Variants in SLC24A2 observed in about 807,000 individuals in gnomAD.
The protein encoded by SLC24A2 is sodium/potassium/calcium exchanger 2.
SLC24A2 carries 36 observed loss-of-function variants against 62.0 expected under a neutral mutation model. The observed-to-expected ratio is 0.58, with a 90% CI of 0.44 to 0.77. The LOEUF (loss-of-function observed/expected upper bound fraction) is 0.77, where lower values mean the gene tolerates loss of function less well. SLC24A2 is among the 30% of genes least tolerant of loss of function. SLC24A2 has a pLI of 0.00. For synonymous variants in SLC24A2, 358 were observed against 294.0 expected, an observed-to-expected ratio of 1.22 and a Z score of -2.23; for missense variants, 846 against 817.9, an observed-to-expected ratio of 1.03 and a Z score of -0.42.
intron 9 of SLC24A2, among the ~76,000 whole-genome samples, chr9:19,524,138 A>AG (rs11459057): frequency 4.8e-3 from 12 of 2,516 alleles, no homozygotes; most frequent in African/African-American, 0.012. Context: ...CTTCATTTTC[A>AG]AAAAAAAAAA....
chr9:19,665,959 C>T (rs768530897), intron 2 of SLC24A2, among the ~76,000 whole-genome samples: 1 of 151,940 alleles, frequency 6.6e-6, no homozygotes, highest in Admixed American at 6.6e-5. Context: ...GCACCCGGCC[C>T]GTGTTCTCAT....
the SLC24A2 span, among the ~76,000 whole-genome samples, chr9:19,993,067 TAACCTTC>T: frequency 1.3e-5 from 2 of 152,166 alleles, no homozygotes. Context: ...TTATAGATAT[TAACCTTC>T]AACCCCATAA....
chr9:19,911,310 T>C, the SLC24A2 span, among the ~76,000 whole-genome samples: 1 of 152,094 alleles, frequency 6.6e-6, no homozygotes, highest in Non-Finnish European at 1.5e-5. Flanking sequence ...CTTAATCCAG[T>C]CTATCGTTGT....
chr9:20,228,609 A>G, the SLC24A2 span, among the ~76,000 whole-genome samples: 14 of 152,232 alleles, frequency 9.2e-5, no homozygotes, highest in East Asian at 2.5e-3. Flanking sequence ...GTTCTCTGCT[A>G]TTGCCCTAAG....
At chr9:19,736,292 A>C (rs1191357297) in intron 2 of SLC24A2, among the ~76,000 whole-genome samples, 1 of 152,202 alleles carries the variant, frequency 6.6e-6, no homozygotes, top group Non-Finnish European at 1.5e-5. Context: ...GAGAAAACAG[A>C]TGATGGATTT....
At position 19,772,420 on chromosome 9, in the gene SLC24A2, A is replaced by G. The variant is rs539064012; in HGVS notation, c.930+13517T>C. ...AGGCTAGGAGCTGCTGTATCTATGG[A>G]GCACATTTCTTAAAAGCTCACAGAA... On this transcript the variant is annotated intron_variant, in intron 2 of 10. Transcript: ENST00000341998. 2.0e-5 allele frequency among the ~76,000 whole-genome samples: 3 copies of G among 152,348 alleles called. No homozygotes were observed. In the South Asian group the frequency reaches 6.2e-4, roughly 32 times the overall value.
chr9:19,563,836 C>T (rs375032032), intron 7 of SLC24A2, among the ~76,000 whole-genome samples: 6,450 of 37,528 alleles, frequency 0.17, 579 homozygotes, highest in South Asian at 0.27. Flanking sequence ...CTCCCTCCCT[C>T]CCTCCCTCCC....
intron 9 of SLC24A2, among the ~76,000 whole-genome samples, chr9:19,521,681 T>C (rs2132638741): frequency 6.6e-6 from 1 of 152,308 alleles, no homozygotes; most frequent in South Asian, 2.1e-4. Context: ...TGTTAATTTC[T>C]TGACATTTTG....
the SLC24A2 span, among the ~76,000 whole-genome samples, chr9:20,191,122 A>T: frequency 6.6e-6 from 1 of 151,100 alleles, no homozygotes. Flanking sequence ...GGGTCATAAA[A>T]TTGGCCTAAT....
rs1248812177 is a variant in SLC24A2 at position 19,613,517 on chromosome 9, A to G, written c.1078+6067T>C. Among the ~76,000 whole-genome samples, 4 of 152,150 alleles carry G rather than the reference A, an allele frequency of 2.6e-5. No individual in the cohort carries two copies. The South Asian group carries it at 6.2e-4, about 24-fold the overall frequency. ...CTCTTTCCCCAAAAAGGTCAATCCT[A>G]AACATCTTTATTCCCAGCATTCTAT... On this transcript the variant is annotated intron_variant, in intron 4 of 10. Coordinates refer to ENST00000341998, the MANE Select transcript of SLC24A2 (RefSeq NM_020344.4).
chr9:19,518,650 G>A (rs998306109), intron 10 of SLC24A2, among the ~76,000 whole-genome samples: 1 of 152,098 alleles, frequency 6.6e-6, no homozygotes, highest in Non-Finnish European at 1.5e-5. Context: ...TCAATCTCTT[G>A]ACCTTGTGAT....
the SLC24A2 span, among the ~76,000 whole-genome samples, chr9:19,910,398 G>A: frequency 6.6e-6 from 1 of 151,952 alleles, no homozygotes; most frequent in East Asian, 1.9e-4. Flanking sequence ...ATTATAACTG[G>A]CCTTCCTGCC....
the SLC24A2 span, among the ~76,000 whole-genome samples, chr9:20,190,096 G>T: frequency 6.6e-6 from 1 of 152,160 alleles, no homozygotes; most frequent in Non-Finnish European, 1.5e-5. Context: ...GTTTGCATTG[G>T]TTCATAGCTG....
chr9:19,786,256 C>G lies in SLC24A2; in HGVS notation c.611G>C (p.Gly204Ala). ...IGVFIAHSNV[G>A]IGTIVGSAVF... is the part of the protein sequence containing the mutation. ...TGCTGAACCTACAATTGTGCCTATG[C>G]CAACGTTGCTGTGAGCGATAAATAC... Residue 204 changes from glycine to alanine, a missense_variant, in exon 2 of 11, where the codon GGC becomes GCC. By Grantham distance (60) the Gly-to-Ala change is moderately conservative. Transcript: ENST00000341998. This position sits in a 1 kb window ranked among gnomAD's most constrained non-coding sequence, Gnocchi z 5.0. The G allele has an allele frequency of 6.2e-7, 1 of 1,614,074 alleles. No individual in the cohort carries two copies. Among genetic ancestry groups the G allele is most frequent in the South Asian group, 1.1e-5 (1 of 91,078 alleles).
At chr9:19,640,042 G>A (rs996302412) in intron 2 of SLC24A2, among the ~76,000 whole-genome samples, 21 of 152,202 alleles carry the variant, frequency 1.4e-4, no homozygotes, top group African/African-American at 4.8e-4. Flanking sequence ...TTAGATGAAT[G>A]AAGAAATTAA....
chr9:19,598,673 G>C (rs1020563268), intron 4 of SLC24A2, among the ~76,000 whole-genome samples: 2 of 151,610 alleles, frequency 1.3e-5, no homozygotes, highest in African/African-American at 4.8e-5. Flanking sequence ...ATATACATAC[G>C]TGTATATATA....
At chr9:20,099,901 C>A in the SLC24A2 span, among the ~76,000 whole-genome samples, 2 of 152,226 alleles carry the variant, frequency 1.3e-5, no homozygotes, top group African/African-American at 4.8e-5. Context: ...GGGAATTTCA[C>A]AAGTCTCCTT....
intron 2 of SLC24A2, among the ~76,000 whole-genome samples, chr9:19,729,792 T>C (rs1374535814): frequency 6.6e-6 from 1 of 152,186 alleles, no homozygotes; most frequent in Non-Finnish European, 1.5e-5. Context: ...GAATAAGTTC[T>C]AGTGCTCTAT....
At chr9:20,240,249 C>A in the SLC24A2 span, among the ~76,000 whole-genome samples, 2,242 of 152,230 alleles carry the variant, frequency 0.015, 71 homozygotes, top group African/African-American at 0.052. Context: ...TCTCTTAATT[C>A]ACCTATTTGT....
Sources: gnomAD v4.1 joint callset for allele counts (sites outside exome capture counted in the v4.1 genomes callset) on GRCh38, gnomAD v4.1.1 for gene constraint, Gnocchi (gnomAD v3.1) non-coding constraint, MANE v1.5 for transcripts, NCBI Gene and HGNC (gene_info 2026-07-23, HGNC 2026-07-21) for gene names.